CAPRIN2: variants seen among roughly 807,000 people sequenced by gnomAD.
CAPRIN2 encodes caprin-2.
CAPRIN2 carries 66 observed loss-of-function variants against 130.4 expected under a neutral mutation model. The ratio of observed to expected loss-of-function variants is 0.51; its 90% CI spans 0.42 to 0.62. CAPRIN2 has a LOEUF of 0.62. CAPRIN2 is among the 20% of genes least tolerant of loss of function. The probability of loss-of-function intolerance (pLI) is 0.00; values close to 1 mark genes in which losing one functional copy is unlikely to be tolerated. For synonymous variants in CAPRIN2, 471 were observed against 444.1 expected (o/e 1.06, Z -0.76); for missense variants, 1,185 against 1,246.6 (o/e 0.95, Z 0.74).
chr12:30,752,969 C>T (rs1159373643), intron 1 of CAPRIN2, among the ~76,000 whole-genome samples: 1 of 152,180 alleles, frequency 6.6e-6, no homozygotes, highest in Non-Finnish European at 1.5e-5. Flanking sequence ...CCAACGACTG[C>T]AGCAGTTATA....
intron 9 of CAPRIN2, among the ~76,000 whole-genome samples, 164 bp downstream of exon 10, chr12:30,725,802 A>G (rs938196807): frequency 5.9e-5 from 9 of 152,190 alleles, no homozygotes; most frequent in Non-Finnish European, 1.5e-5. Flanking sequence ...AAATAAATAA[A>G]CTGAGGCAGA....
At chr12:30,718,091 T>C (rs1231701485) in intron 12 of CAPRIN2, among the ~76,000 whole-genome samples, 1 of 152,152 alleles carries the variant, frequency 6.6e-6, no homozygotes, top group Non-Finnish European at 1.5e-5. Flanking sequence ...GTGACAAGAA[T>C]ATATAAGGCA....
intron 12 of CAPRIN2, among the ~76,000 whole-genome samples, chr12:30,718,530 C>G (rs764342777): frequency 3.3e-5 from 5 of 152,130 alleles, no homozygotes; most frequent in South Asian, 4.1e-4. Flanking sequence ...AATAAACATA[C>G]CAAACTAGCT....
chr12:30,729,873 T>G (rs559636138), intron 7 of CAPRIN2, among the ~76,000 whole-genome samples: 37 of 152,188 alleles, frequency 2.4e-4, no homozygotes, highest in African/African-American at 8.9e-4. Context: ...CTGCTACCAA[T>G]GTGAGTAAAT....
At chr12:30,753,658 A>G in exon 1 of CAPRIN2, 1 of 1,614,228 alleles carries the variant, frequency 6.2e-7, no homozygotes, top group Non-Finnish European at 8.5e-7. Flanking sequence ...CTAGAGGGAC[A>G]CAGCCAGGCA....
chr12:30,749,378 C>T lies in CAPRIN2; in HGVS notation c.483+1693G>A, dbSNP rs144831115. On this transcript the variant is annotated intron_variant, in intron 2 of 16. Transcript: ENST00000298892. ...GCAGAGGAATAACCATCTTGACTTG[C>T]ATCAGTACAGGATCACTGAGTTTAC... is the stretch of plus-strand genomic sequence containing the variant. Among the ~76,000 whole-genome samples the T allele has an allele frequency of 6.8e-3, 1,036 of 152,282 alleles. 7 individuals are homozygous for T. The highest frequency in any genetic ancestry group is 0.024 in the African/African-American group (988 of 41,534).
intron 3 of CAPRIN2, among the ~76,000 whole-genome samples, chr12:30,737,700 C>T (rs1462050438): frequency 6.6e-6 from 1 of 151,538 alleles, no homozygotes; most frequent in Non-Finnish European, 1.5e-5. Flanking sequence ...CGGGTTCACG[C>T]CATTCTCCTG....
intron 3 of CAPRIN2, among the ~76,000 whole-genome samples, chr12:30,738,075 C>A (rs2065719459): frequency 6.6e-6 from 1 of 151,832 alleles, no homozygotes; most frequent in South Asian, 2.1e-4. Flanking sequence ...ACATGTCTGA[C>A]AAAAGAAAAA....
At chr12:30,746,808 A>G (rs566522593) in intron 2 of CAPRIN2, among the ~76,000 whole-genome samples, 1 of 152,352 alleles carries the variant, frequency 6.6e-6, no homozygotes, top group South Asian at 2.1e-4. Flanking sequence ...ACATAAAAGT[A>G]CAAGATGAAG....
Position 30,744,198 on chromosome 12 carries a change from C to T in CAPRIN2, c.484-3092G>A, listed in dbSNP as rs375741292. 3.3e-5 allele frequency among the ~76,000 whole-genome samples: 5 copies of T among 152,288 alleles called. 1 individual carries two copies. Among genetic ancestry groups the T allele is most frequent in the African/African-American group, 1.2e-4 (5 of 41,552 alleles). On this transcript the variant is annotated intron_variant, in intron 2 of 16. Transcript: ENST00000298892. ...CAGCTACTTGATTCAAGTTCCTCTGCCACTGCCTTAGTAGGGCTCCCATAA... is the reference window on the plus strand; with the variant it reads ...CAGCTACTTGATTCAAGTTCCTCTGTCACTGCCTTAGTAGGGCTCCCATAA...
intron 2 of CAPRIN2, among the ~76,000 whole-genome samples, chr12:30,746,716 G>A (rs2070659315): frequency 6.6e-6 from 1 of 152,206 alleles, no homozygotes; most frequent in Non-Finnish European, 1.5e-5. Context: ...TGAAGGCTGA[G>A]AGACTGAGGA....
exon 1 of CAPRIN2, chr12:30,754,167 T>A (rs988729054): frequency 2.3e-5 from 4 of 174,972 alleles, no homozygotes; most frequent in South Asian, 1.4e-4. Flanking sequence ...AGGCAATCCA[T>A]CACTACTGGA....
intron 3 of CAPRIN2, among the ~76,000 whole-genome samples, chr12:30,739,978 T>A (rs2066669923): frequency 6.6e-6 from 1 of 152,236 alleles, no homozygotes; most frequent in Non-Finnish European, 1.5e-5. Context: ...CAGAAAATTT[T>A]AAATATCATA....
exon 2 of CAPRIN2, chr12:30,751,090 T>C (rs2073584189): frequency 2.5e-6 from 4 of 1,613,920 alleles, no homozygotes; most frequent in Non-Finnish European, 2.5e-6. Context: ...TGGATTAAGA[T>C]GCTCTCCACT....
At chr12:30,728,723 G>A (rs139328662) in exon 8 of CAPRIN2, 111 of 1,614,152 alleles carry the variant, frequency 6.9e-5, no homozygotes, top group Middle Eastern at 3.3e-4. Context: ...CTACTCCCCA[G>A]GACTTTGGAG....
chr12:30,719,253 A>G (rs561615299), intron 12 of CAPRIN2, 28 bp from the exon 14 acceptor site: 1 of 1,612,134 alleles, frequency 6.2e-7, no homozygotes, highest in African/African-American at 1.3e-5. Context: ...AGCATCAGCC[A>G]ATCACCTGCC....
Position 30,728,777 on chromosome 12 carries a change from AT to A in CAPRIN2, c.1652del (p.Asn551MetfsTer9). The A allele has an allele frequency of 6.2e-7, 1 of 1,614,030 alleles. No homozygotes were observed. The highest frequency in any genetic ancestry group is 8.5e-7 in the Non-Finnish European group (1 of 1,179,988). ...TTAAAGAGTGTTTTTGACTCTCAAC[AT>A]TGTTTTCCCAGGATTTTGGAGTCTC... On this transcript the variant is annotated frameshift_variant, in exon 8 of 17. Coordinates refer to ENST00000298892, the Ensembl canonical transcript of CAPRIN2. LOFTEE classifies it high-confidence loss of function.
chr12:30,734,849 A>ACAC (rs2063964686), intron 4 of CAPRIN2, 119 bp downstream of exon 5: 3 of 559,406 alleles, frequency 5.4e-6, no homozygotes, highest in Non-Finnish European at 3.2e-6. Context: ...CCCCCTCTCT[A>ACAC]ACACACACAC....
chr12:30,730,463 T>C (rs2062299571), intron 6 of CAPRIN2, among the ~76,000 whole-genome samples, 181 bp from the exon 8 acceptor site: 1 of 152,246 alleles, frequency 6.6e-6, no homozygotes, highest in Non-Finnish European at 1.5e-5. Flanking sequence ...GCATGTGGTC[T>C]GAGGCTAGTT....
Sources: gnomAD v4.1 joint callset for allele counts (sites outside exome capture counted in the v4.1 genomes callset) on GRCh38, gnomAD v4.1.1 for gene constraint, MANE v1.5 for transcripts, NCBI Gene and HGNC (gene_info 2026-07-23, HGNC 2026-07-21) for gene names.